Variants in CLVS1 observed in about 807,000 individuals in gnomAD.
CLVS1 encodes the protein clavesin-1.
In CLVS1, 10 loss-of-function variants were observed where a neutral mutation model predicts 33.1. The observed-to-expected ratio is 0.30, with a 90% CI of 0.19 to 0.51. The LOEUF (loss-of-function observed/expected upper bound fraction) is 0.51. Among genes scored for constraint, CLVS1 ranks in the 20% least tolerant of loss-of-function variants. CLVS1 has a pLI of 0.97. For missense variants in CLVS1, 343 were observed against 433.4 expected, an observed-to-expected ratio of 0.79 and a Z score of 1.85; for synonymous variants, 163 against 166.1, an observed-to-expected ratio of 0.98 and a Z score of 0.14.
chr8:61,119,310 T>A (rs896770651), intron 1 of CLVS1, among the ~76,000 whole-genome samples: 3 of 152,010 alleles, frequency 2.0e-5, no homozygotes, highest in Non-Finnish European at 2.9e-5. Flanking sequence ...CACTGATGGG[T>A]CTTGACTCTT....
chr8:61,442,249 C>T (rs1056739314), intron 3 of CLVS1, among the ~76,000 whole-genome samples: 1 of 152,154 alleles, frequency 6.6e-6, no homozygotes, highest in African/African-American at 2.4e-5. Flanking sequence ...TCCAGAGATT[C>T]ACCCAGGTTG....
intron 2 of CLVS1, among the ~76,000 whole-genome samples, chr8:61,162,786 A>T (rs1806777538): frequency 6.6e-6 from 1 of 151,948 alleles, no homozygotes; most frequent in South Asian, 2.1e-4. Context: ...GCCCTTATAA[A>T]CCTGTTGTTT....
At chr8:61,323,966 C>T (rs1050227278) in intron 2 of CLVS1, among the ~76,000 whole-genome samples, 11 of 152,142 alleles carry the variant, frequency 7.2e-5, no homozygotes, top group Non-Finnish European at 1.0e-4. Context: ...CTGCAAAGGA[C>T]ATGATCTCAT....
intron 5 of CLVS1, among the ~76,000 whole-genome samples, chr8:61,479,691 GT>G (rs1203155902): frequency 6.6e-6 from 1 of 152,094 alleles, no homozygotes; most frequent in Non-Finnish European, 1.5e-5. Flanking sequence ...TTTCTGCTCT[GT>G]TTTTTCCCCA....
chr8:61,488,253 C>T (rs1056631200), intron 5 of CLVS1, among the ~76,000 whole-genome samples: 2 of 152,180 alleles, frequency 1.3e-5, no homozygotes, highest in South Asian at 2.1e-4. Flanking sequence ...TAAACCTATA[C>T]GCATAGAATT....
Position 61,361,223 on chromosome 8 carries a change from T to C in CLVS1, c.456-15382T>C, listed in dbSNP as rs563386753. Reference sequence around the variant, plus strand: ...CAGGCCCCACCTCCAACAATTGGGATTACAATTCAACATGAGATTTGGTGG... The same window carrying C: ...CAGGCCCCACCTCCAACAATTGGGACTACAATTCAACATGAGATTTGGTGG... On this transcript the variant is annotated intron_variant, in intron 2 of 5. Coordinates refer to ENST00000325897, the MANE Select transcript of CLVS1 (RefSeq NM_173519.3). 2.6e-5 allele frequency among the ~76,000 whole-genome samples: 4 copies of C among 152,314 alleles called. No individual in the cohort carries two copies. The South Asian group carries it at 8.3e-4, about 32-fold the overall frequency.
chr8:61,209,496 G>A (rs4033623), intron 2 of CLVS1, among the ~76,000 whole-genome samples: 2 of 152,202 alleles, frequency 1.3e-5, no homozygotes, highest in Non-Finnish European at 2.9e-5. Context: ...TACTATAGTT[G>A]TCCAGGGTAA....
At chr8:61,020,619 C>A in the CLVS1 span, among the ~76,000 whole-genome samples, 1 of 152,190 alleles carries the variant, frequency 6.6e-6, no homozygotes, top group Non-Finnish European at 1.5e-5. Flanking sequence ...TAACCCCTGC[C>A]TCCTGAGTTA....
intron 5 of CLVS1, among the ~76,000 whole-genome samples, chr8:61,470,502 CT>C (rs1443555203): frequency 1.3e-5 from 2 of 152,190 alleles, no homozygotes; most frequent in African/African-American, 4.8e-5. Flanking sequence ...AAGCACCATG[CT>C]CAGATGCAAT....
At chr8:61,063,973 A>T (rs933810752) in intron 1 of CLVS1, among the ~76,000 whole-genome samples, 9 of 152,236 alleles carry the variant, frequency 5.9e-5, no homozygotes, top group Admixed American at 1.3e-4. Flanking sequence ...GAGGAATTAT[A>T]CAATATTTGT....
chr8:61,214,151 TG>T (rs1423184959), intron 2 of CLVS1, among the ~76,000 whole-genome samples: 13 of 152,204 alleles, frequency 8.5e-5, no homozygotes, highest in African/African-American at 3.1e-4. Context: ...TCAATGACAA[TG>T]GTGCCTGAAA....
At chr8:61,007,650 C>A in the CLVS1 span, among the ~76,000 whole-genome samples, 1 of 152,128 alleles carries the variant, frequency 6.6e-6, no homozygotes, top group Non-Finnish European at 1.5e-5. Flanking sequence ...CTCCTGAGAA[C>A]GCAAGCAGCC....
intron 2 of CLVS1, among the ~76,000 whole-genome samples, chr8:61,313,166 G>C (rs1563490952): frequency 6.6e-6 from 1 of 152,166 alleles, no homozygotes; most frequent in Non-Finnish European, 1.5e-5. Context: ...ACCCAGCGGG[G>C]AAGCTGGGAC....
intron 1 of CLVS1, among the ~76,000 whole-genome samples, chr8:61,118,138 A>G: frequency 6.6e-6 from 1 of 151,742 alleles, no homozygotes; most frequent in Non-Finnish European, 1.5e-5. Flanking sequence ...CATTTCTTCT[A>G]GATTTTCTAG....
intron 1 of CLVS1, among the ~76,000 whole-genome samples, chr8:61,112,209 C>CAT (rs57905617): frequency 0.035 from 5,119 of 145,722 alleles, 360 homozygotes; most frequent in Admixed American, 0.054. Context: ...CACACACACA[C>CAT]ACACACACAC....
chr8:61,231,422 T>C (rs904494717), intron 2 of CLVS1, among the ~76,000 whole-genome samples: 1 of 152,200 alleles, frequency 6.6e-6, no homozygotes, highest in African/African-American at 2.4e-5. Context: ...TCTATGAAAC[T>C]AGAATTTTCT....
At chr8:61,278,953 C>G (rs1470175056) in intron 2 of CLVS1, among the ~76,000 whole-genome samples, 1 of 152,174 alleles carries the variant, frequency 6.6e-6, no homozygotes, top group Non-Finnish European at 1.5e-5. Flanking sequence ...GATCAGGCAT[C>G]CTCACTGACA....
At chr8:61,331,616 CCTT>C (rs1200232634) in intron 2 of CLVS1, among the ~76,000 whole-genome samples, 2 of 151,340 alleles carry the variant, frequency 1.3e-5, no homozygotes, top group East Asian at 1.9e-4. Flanking sequence ...ATCGTCCTGT[CCTT>C]CTCTGCACTT....
intron 1 of CLVS1, among the ~76,000 whole-genome samples, chr8:61,085,133 G>A (rs1489142850): frequency 6.6e-6 from 1 of 152,180 alleles, no homozygotes; most frequent in Non-Finnish European, 1.5e-5. Flanking sequence ...TATTTGGAAG[G>A]GAGCAATGTC....
Sources: allele counts gnomAD v4.1 joint callset (sites outside exome capture counted in the v4.1 genomes callset), GRCh38; gene constraint gnomAD v4.1.1; transcripts MANE v1.5; gene names NCBI Gene and HGNC (gene_info 2026-07-23, HGNC 2026-07-21).